The following NRXN3 variants were observed in gnomAD, a reference collection of about 807,000 sequenced individuals.
The protein encoded by NRXN3 is neurexin III.
A neutral mutation model predicts 137.6 loss-of-function variants in NRXN3; 32 were observed. That is an observed-to-expected ratio of 0.23 (90% CI 0.18 to 0.31). The LOEUF (loss-of-function observed/expected upper bound fraction) is 0.31, where lower values mean the gene tolerates loss of function less well. Among genes scored for constraint, NRXN3 ranks in the 10% least tolerant of loss-of-function variants. NRXN3 has a pLI of 1.00. For synonymous variants in NRXN3, 798 were observed against 784.5 expected (o/e 1.02, Z -0.29); for missense variants, 1,574 against 2,062.5 (o/e 0.76, Z 4.59).
At chr14:79,003,365 T>C (rs1158877651) in intron 15 of NRXN3, among the ~76,000 whole-genome samples, 1 of 152,222 alleles carries the variant, frequency 6.6e-6, no homozygotes, top group Non-Finnish European at 1.5e-5. Context: ...TTTGTAGATA[T>C]TAACTTATTT....
intron 15 of NRXN3, among the ~76,000 whole-genome samples, chr14:79,404,425 G>A (rs1033705972): frequency 1.3e-5 from 2 of 152,120 alleles, no homozygotes; most frequent in African/African-American, 4.8e-5. Flanking sequence ...AAAAAGGCTC[G>A]CCCAGAGCTA....
rs182019253 is a variant in NRXN3, at chr14:79,818,130, T to G, written c.4093+12940T>G. On this transcript the variant is annotated intron_variant, in intron 20 of 20. Coordinates refer to ENST00000335750, the MANE Select transcript of NRXN3 (RefSeq NM_001330195.2). Reference sequence around the variant, plus strand: ...GTGCAGTGGCGCGATCTCGGCTCACTGCAAGCTCCGCCTCCCGGGTTCACG... The same window carrying G: ...GTGCAGTGGCGCGATCTCGGCTCACGGCAAGCTCCGCCTCCCGGGTTCACG... Among the ~76,000 whole-genome samples, 902 of 137,232 alleles carry G rather than the reference T, an allele frequency of 6.6e-3. 9 individuals are homozygous for G. The highest frequency in any genetic ancestry group is 9.2e-3 in the Non-Finnish European group (602 of 65,386). 90.0% of individuals were successfully genotyped at this position (137,232 alleles called of 152,430 possible).
At chr14:79,250,926 T>A (rs2153373961) in intron 15 of NRXN3, among the ~76,000 whole-genome samples, 1 of 152,314 alleles carries the variant, frequency 6.6e-6, no homozygotes, top group South Asian at 2.1e-4. Flanking sequence ...ACAATGTCCA[T>A]CAAATAGTAA....
rs113328059 is a variant in NRXN3 at position 78,521,248 on chromosome 14, A to G, written c.758-123872A>G. The stretch of plus-strand genomic sequence containing the variant: ...GGTATTCAGTCCTGTATATATTAAA[A>G]GCATAAGCCAATTAGAAAATAATTG... On this transcript the variant is annotated intron_variant, in intron 4 of 20. Transcript: ENST00000335750. Among the ~76,000 whole-genome samples the G allele has an allele frequency of 6.6e-3, 1,004 of 152,274 alleles. 8 individuals carry two copies. Among genetic ancestry groups the G allele is most frequent in the African/African-American group, 0.023 (946 of 41,540 alleles).
chr14:79,790,120 T>C (rs904281490), intron 19 of NRXN3, among the ~76,000 whole-genome samples: 1 of 152,180 alleles, frequency 6.6e-6, no homozygotes, highest in Non-Finnish European at 1.5e-5. Flanking sequence ...TACTATAAAA[T>C]AAACTTCTGA....
intron 4 of NRXN3, among the ~76,000 whole-genome samples, chr14:78,470,045 A>G (rs1397777965): frequency 6.6e-6 from 1 of 152,226 alleles, no homozygotes; most frequent in Non-Finnish European, 1.5e-5. Context: ...CATGTTCATA[A>G]ATCATTCTTG....
intron 20 of NRXN3, among the ~76,000 whole-genome samples, chr14:79,818,404 TG>T (rs763831473): frequency 3.3e-5 from 5 of 152,214 alleles, no homozygotes; most frequent in African/African-American, 4.8e-5. Context: ...TCAAAACATA[TG>T]CCCAGACAAC....
At chr14:79,111,512 G>A (rs1310326224) in intron 15 of NRXN3, among the ~76,000 whole-genome samples, 1 of 152,118 alleles carries the variant, frequency 6.6e-6, no homozygotes, top group Non-Finnish European at 1.5e-5. Context: ...GCCGAGGCGG[G>A]CAGATCACCT....
chr14:79,557,149 GT>G (rs1324794728), intron 16 of NRXN3, among the ~76,000 whole-genome samples: 1 of 152,004 alleles, frequency 6.6e-6, no homozygotes, highest in Non-Finnish European at 1.5e-5. Context: ...TATTATATTG[GT>G]TTTCAAAGAA....
chr14:78,892,811 T>TGG (rs771343888), intron 10 of NRXN3, among the ~76,000 whole-genome samples: 76 of 150,086 alleles, frequency 5.1e-4, no homozygotes, highest in Admixed American at 8.6e-4. Context: ...TGTGTGTGTG[T>TGG]GGTGTTTGCT....
intron 10 of NRXN3, among the ~76,000 whole-genome samples, chr14:78,847,242 G>T (rs1294884822): frequency 6.6e-6 from 1 of 152,028 alleles, no homozygotes; most frequent in Non-Finnish European, 1.5e-5. Context: ...TGGTAAAGGT[G>T]ACAGCCTTTA....
At chr14:79,814,010 T>C (rs2099243929) in intron 20 of NRXN3, among the ~76,000 whole-genome samples, 1 of 152,228 alleles carries the variant, frequency 6.6e-6, no homozygotes, top group Admixed American at 6.5e-5. Context: ...TTGTAGCGCA[T>C]CAACTAACCA....
At chr14:79,339,055 C>T (rs2153355581) in intron 15 of NRXN3, among the ~76,000 whole-genome samples, 1 of 152,288 alleles carries the variant, frequency 6.6e-6, no homozygotes, top group Admixed American at 6.5e-5. Context: ...AGATGAGTGT[C>T]AGTCCCTCCC....
At chr14:78,793,456 T>G (rs2098811592) in intron 8 of NRXN3, among the ~76,000 whole-genome samples, 1 of 152,160 alleles carries the variant, frequency 6.6e-6, no homozygotes, top group African/African-American at 2.4e-5. Context: ...TGAGAATGTT[T>G]ATGAGTATGG....
chr14:79,828,058 C>T (rs1185581304), intron 20 of NRXN3, among the ~76,000 whole-genome samples: 1 of 152,056 alleles, frequency 6.6e-6, no homozygotes, highest in African/African-American at 2.4e-5. Flanking sequence ...CACAAGAGAT[C>T]CACCTTCATG....
chr14:78,293,041 AC>A (rs1464951857), intron 3 of NRXN3, among the ~76,000 whole-genome samples: 1 of 151,754 alleles, frequency 6.6e-6, no homozygotes, highest in Non-Finnish European at 1.5e-5. Context: ...ATTATATCCT[AC>A]TCAGTTAAGA....
intron 15 of NRXN3, among the ~76,000 whole-genome samples, chr14:79,076,165 A>T (rs2152735048): frequency 6.6e-6 from 1 of 152,250 alleles, no homozygotes; most frequent in African/African-American, 2.4e-5. Flanking sequence ...TGTCACCTCA[A>T]CTATTGATTC....
At chr14:78,762,382 C>T (rs554415492) in intron 8 of NRXN3, among the ~76,000 whole-genome samples, 3 of 152,292 alleles carry the variant, frequency 2.0e-5, no homozygotes, top group East Asian at 1.9e-4. Flanking sequence ...AACGGACGAG[C>T]GTAGACTTGA....
chr14:79,335,403 G>A (rs1327818227), intron 15 of NRXN3, among the ~76,000 whole-genome samples: 1 of 151,992 alleles, frequency 6.6e-6, no homozygotes, highest in Non-Finnish European at 1.5e-5. Flanking sequence ...TTCTTCTTCA[G>A]AGTAGGTACA....
Sources: gnomAD v4.1 joint callset for allele counts (sites outside exome capture counted in the v4.1 genomes callset) on GRCh38, gnomAD v4.1.1 for gene constraint, MANE v1.5 for transcripts, NCBI Gene and HGNC (gene_info 2026-07-23, HGNC 2026-07-21) for gene names.